The following COL19A1 variants were observed in gnomAD, a reference collection of about 807,000 sequenced individuals.
COL19A1 encodes collagen type XIX alpha 1 chain.
A neutral mutation model predicts 190.2 loss-of-function variants in COL19A1; 159 were observed. The ratio of observed to expected loss-of-function variants is 0.84; its 90% CI spans 0.73 to 0.95. The LOEUF is 0.95. COL19A1 is among the 40% of genes least tolerant of loss of function. COL19A1 has a pLI of 0.00. For missense variants in COL19A1, 1,418 were observed against 1,431.9 expected, an observed-to-expected ratio of 0.99 and a Z score of 0.16; for synonymous variants, 509 against 458.9, an observed-to-expected ratio of 1.11 and a Z score of -1.39.
chr6:70,111,907 A>G (rs997548321), intron 16 of COL19A1, among the ~76,000 whole-genome samples: 6 of 152,164 alleles, frequency 3.9e-5, no homozygotes. Context: ...AATTGTGCAC[A>G]TGCTCTTGGC....
intron 14 of COL19A1, among the ~76,000 whole-genome samples, chr6:70,061,823 C>G (rs935707756): frequency 6.6e-6 from 1 of 151,962 alleles, no homozygotes; most frequent in Non-Finnish European, 1.5e-5. Flanking sequence ...TAATCTAGAG[C>G]CAAGATCGTG....
intron 16 of COL19A1, among the ~76,000 whole-genome samples, chr6:70,107,424 A>C (rs957475062): frequency 5.3e-5 from 8 of 152,174 alleles, no homozygotes; most frequent in African/African-American, 1.9e-4. Flanking sequence ...GTAAATTTGA[A>C]ATAATAGCAC....
chr6:69,955,038 A>G (rs1282475026), intron 9 of COL19A1, among the ~76,000 whole-genome samples: 1 of 152,142 alleles, frequency 6.6e-6, no homozygotes, highest in Non-Finnish European at 1.5e-5. Flanking sequence ...GTCAATCACT[A>G]TACTTCAGAT....
chr6:69,977,030 A>C (rs1775748975), intron 11 of COL19A1, among the ~76,000 whole-genome samples: 1 of 152,146 alleles, frequency 6.6e-6, no homozygotes, highest in Non-Finnish European at 1.5e-5. Context: ...CTAGAACCAG[A>C]AATACCGTTT....
At chr6:69,992,752 G>C (rs6932082) in intron 11 of COL19A1, among the ~76,000 whole-genome samples, 2 of 151,910 alleles carry the variant, frequency 1.3e-5, no homozygotes, top group African/African-American at 4.8e-5. Flanking sequence ...TTGGCTCTCA[G>C]CTTGGACATT....
intron 2 of COL19A1, among the ~76,000 whole-genome samples, chr6:69,887,898 G>A (rs957400022): frequency 6.6e-6 from 1 of 152,188 alleles, no homozygotes; most frequent in African/African-American, 2.4e-5. Context: ...TAAAAAGGGT[G>A]TGAAGTTCCC....
At chr6:70,156,273 A>G (rs1460839158) in intron 32 of COL19A1, 42 bp downstream of exon 32, 1 of 1,613,128 alleles carries the variant, frequency 6.2e-7, no homozygotes. Flanking sequence ...TGTGGGTTAC[A>G]TGTAGTGCAT....
chr6:70,106,647 T>G (rs1233239212), intron 16 of COL19A1, among the ~76,000 whole-genome samples: 4 of 152,214 alleles, frequency 2.6e-5, no homozygotes, highest in Non-Finnish European at 5.9e-5. Context: ...GTGACTAACC[T>G]GGTTAACAGA....
chr6:69,899,415 A>G (rs1051754291), intron 3 of COL19A1, among the ~76,000 whole-genome samples: 97 of 152,270 alleles, frequency 6.4e-4, no homozygotes, highest in African/African-American at 2.3e-3. Context: ...GGCCTCCCAC[A>G]GTGCTGGGAT....
intron 15 of COL19A1, among the ~76,000 whole-genome samples, chr6:70,092,085 T>C (rs1296235061): frequency 2.0e-5 from 3 of 152,102 alleles, no homozygotes; most frequent in East Asian, 3.9e-4. Flanking sequence ...AGCTGGGAAA[T>C]GCCGTCTGAA....
chr6:70,175,410 C>T (rs1300052768), intron 41 of COL19A1, among the ~76,000 whole-genome samples: 1 of 151,814 alleles, frequency 6.6e-6, no homozygotes, highest in East Asian at 1.9e-4. Flanking sequence ...ATTCTTTGAG[C>T]TCTTTTATAA....
At chr6:69,925,760 A>C (rs189041613) in intron 4 of COL19A1, among the ~76,000 whole-genome samples, 16 of 151,784 alleles carry the variant, frequency 1.1e-4, no homozygotes, top group Admixed American at 4.6e-4. Flanking sequence ...CTTTTATTTC[A>C]TTGAGCAGTG....
At chr6:70,090,972 A>G (rs973407306) in intron 15 of COL19A1, among the ~76,000 whole-genome samples, 2 of 152,152 alleles carry the variant, frequency 1.3e-5, no homozygotes, top group Non-Finnish European at 2.9e-5. Context: ...CAGACCTTGC[A>G]TGATCCTTGG....
chr6:70,055,793 A>AT (rs66506232), intron 14 of COL19A1, among the ~76,000 whole-genome samples: 8,311 of 149,512 alleles, frequency 0.056, 581 homozygotes, highest in East Asian at 0.19. Context: ...AAAAAAAAAA[A>AT]AAAAAAAAAA....
intron 17 of COL19A1, 138 bp from the exon 18 acceptor site, chr6:70,130,044 A>T: frequency 1.3e-6 from 1 of 766,182 alleles, no homozygotes; most frequent in Non-Finnish European, 2.1e-6. Flanking sequence ...AGAGAGACAA[A>T]GATGTCTGCA....
chr6:70,096,765 T>C (rs1160088167), intron 15 of COL19A1, among the ~76,000 whole-genome samples: 1 of 152,062 alleles, frequency 6.6e-6, no homozygotes, highest in African/African-American at 2.4e-5. Context: ...AGTTTTAGAG[T>C]AGTGGTTCTC....
rs113658007 is a variant in COL19A1, at chr6:70,084,603, G to C, written c.1224+16127G>C. Among the ~76,000 whole-genome samples the C allele has an allele frequency of 3.0e-3, 457 of 152,276 alleles. 2 individuals are homozygous for C. Among genetic ancestry groups the C allele is most frequent in the African/African-American group, 0.01 (433 of 41,556 alleles). On this transcript the variant is annotated intron_variant, in intron 15 of 50. Transcript: ENST00000620364. Reference sequence around the variant, plus strand: ...TTTTCCTCTGCTCAGCCCGTTTTCTGTCTGGAGGCTGCCTTGATTCATTCC... The same window carrying C: ...TTTTCCTCTGCTCAGCCCGTTTTCTCTCTGGAGGCTGCCTTGATTCATTCC...
At chr6:70,073,685 C>A (rs116250647) in intron 15 of COL19A1, among the ~76,000 whole-genome samples, 215 of 152,252 alleles carry the variant, frequency 1.4e-3, no homozygotes, top group African/African-American at 4.8e-3. Flanking sequence ...CAGTGTTGAT[C>A]TAACTTGATA....
At chr6:70,048,268 T>G (rs925083102) in intron 14 of COL19A1, among the ~76,000 whole-genome samples, 5 of 152,134 alleles carry the variant, frequency 3.3e-5, no homozygotes, top group African/African-American at 4.8e-5. Flanking sequence ...CAGATGCCCC[T>G]AATGCACAAG....
Sources: gnomAD v4.1 joint callset for allele counts (sites outside exome capture counted in the v4.1 genomes callset) on GRCh38, gnomAD v4.1.1 for gene constraint, MANE v1.5 for transcripts, NCBI Gene and HGNC (gene_info 2026-07-23, HGNC 2026-07-21) for gene names.